The following ARPP21 variants were observed in gnomAD, a reference collection of about 807,000 sequenced individuals.
The protein encoded by ARPP21 is cAMP-regulated phosphoprotein 21.
A neutral mutation model predicts 113.2 loss-of-function variants in ARPP21; 69 were observed. The observed-to-expected ratio is 0.61, with a 90% CI of 0.50 to 0.74. The LOEUF (loss-of-function observed/expected upper bound fraction) is 0.74. Ranked by LOEUF, ARPP21 falls within the 30% of genes least tolerant of loss-of-function variation. The pLI is 0.00. For missense variants in ARPP21, 1,070 were observed against 1,037.4 expected, an observed-to-expected ratio of 1.03 and a Z score of -0.43; for synonymous variants, 368 against 375.5, an observed-to-expected ratio of 0.98 and a Z score of 0.23.
intron 5 of ARPP21, chr3:35,684,801 T>G (rs1222059639): frequency 4.1e-6 from 4 of 981,104 alleles, no homozygotes; most frequent in Admixed American, 6.2e-5. Flanking sequence ...TAAGAGAGTG[T>G]TTTTTTTTCT....
chr3:35,703,504 A>T (rs1047335441), intron 9 of ARPP21, among the ~76,000 whole-genome samples: 3 of 151,976 alleles, frequency 2.0e-5, no homozygotes, highest in Non-Finnish European at 4.4e-5. Context: ...TGTGCTACAA[A>T]TTGTGGAAAA....
intron 19 of ARPP21, among the ~76,000 whole-genome samples, chr3:35,788,087 G>C (rs1472754572): frequency 2.0e-5 from 3 of 152,170 alleles, no homozygotes; most frequent in Non-Finnish European, 4.4e-5. Context: ...CCTCAAAGAA[G>C]ATAAAGTACA....
At chr3:35,774,333 G>T (rs1365028030) in intron 19 of ARPP21, among the ~76,000 whole-genome samples, 1 of 152,142 alleles carries the variant, frequency 6.6e-6, no homozygotes, top group Non-Finnish European at 1.5e-5. Context: ...ACTTTGGGAT[G>T]TCATATCAGG....
chr3:35,731,221 T>C (rs2093934824), intron 15 of ARPP21, among the ~76,000 whole-genome samples: 1 of 152,198 alleles, frequency 6.6e-6, no homozygotes, highest in Admixed American at 6.5e-5. Flanking sequence ...ATATTATTTG[T>C]AATGACAGCA....
intron 19 of ARPP21, among the ~76,000 whole-genome samples, chr3:35,775,181 C>G (rs1306056517): frequency 1.3e-5 from 2 of 152,144 alleles, no homozygotes; most frequent in African/African-American, 4.8e-5. Context: ...TTTCTGTAGG[C>G]ACTGTTTTGA....
intron 11 of ARPP21, among the ~76,000 whole-genome samples, chr3:35,710,553 ACACAC>A (rs2090798845): frequency 1.4e-5 from 2 of 142,688 alleles, no homozygotes; most frequent in African/African-American, 5.9e-5. Flanking sequence ...ACACACACAC[ACACAC>A]ACACACACAC....
chr3:35,753,855 C>T (rs911315355), intron 19 of ARPP21, among the ~76,000 whole-genome samples: 2 of 151,536 alleles, frequency 1.3e-5, no homozygotes, highest in Non-Finnish European at 2.9e-5. Context: ...CAAAATGTAC[C>T]TTAATGGAAT....
intron 16 of ARPP21, among the ~76,000 whole-genome samples, 186 bp from the exon 17 acceptor site, chr3:35,738,028 G>A (rs1214336965): frequency 6.6e-6 from 1 of 152,182 alleles, no homozygotes; most frequent in East Asian, 1.9e-4. Flanking sequence ...ATCACTAAGT[G>A]CAAATGAGCC....
intron 1 of ARPP21, among the ~76,000 whole-genome samples, chr3:35,670,762 A>G (rs2076143864): frequency 6.6e-6 from 1 of 152,058 alleles, no homozygotes; most frequent in Non-Finnish European, 1.5e-5. Flanking sequence ...TGCTCCATCA[A>G]TGTGTTGTGA....
intron 14 of ARPP21, among the ~76,000 whole-genome samples, chr3:35,723,922 G>T (rs948997178): frequency 6.6e-6 from 1 of 152,184 alleles, no homozygotes; most frequent in Non-Finnish European, 1.5e-5. Flanking sequence ...AGTTTCCCAA[G>T]ATGGATTTAT....
rs1697552073 is a variant in ARPP21, at chr3:35,640,011, G to A, written c.-600G>A. 6.6e-6 allele frequency: 1 copy of A among 152,284 alleles called. No homozygotes were observed. 9.4% of individuals were successfully genotyped at this position (152,284 alleles called of 1,614,324 possible). ...GACAGAAGAGCAGACAGGAGGCGGG[G>A]GCGCGTTCACTCCCGGCGGCCAGCC... On this transcript the variant is annotated 5_prime_UTR_variant, in exon 1 of 21. Coordinates refer to ENST00000684406, the MANE Select transcript of ARPP21 (RefSeq NM_001385562.1).
At position 35,676,065 on chromosome 3, in the gene ARPP21, GA is replaced by G. The variant is rs2077414312; in HGVS notation, c.-212-3721del. ...GGAAGAAAAAAAGATTTTGAAATGT[GA>G]GATTGTGTTAGTTCCTCTGAATAAC... On this transcript the variant is annotated intron_variant, in intron 1 of 20. Coordinates refer to ENST00000684406, the MANE Select transcript of ARPP21 (RefSeq NM_001385562.1). Among the ~76,000 whole-genome samples the G allele has an allele frequency of 2.0e-5, 3 of 151,872 alleles. No individual in the cohort carries two copies. In the South Asian group the frequency reaches 6.2e-4, roughly 31 times the overall value.
chr3:35,721,428 T>C (rs886599573), intron 13 of ARPP21, among the ~76,000 whole-genome samples, 177 bp from the exon 14 acceptor site: 1 of 152,242 alleles, frequency 6.6e-6, no homozygotes, highest in Non-Finnish European at 1.5e-5. Flanking sequence ...ATGTGTCATC[T>C]GTCTATACAT....
chr3:35,663,943 C>T (rs1708986170), intron 1 of ARPP21, among the ~76,000 whole-genome samples: 1 of 152,186 alleles, frequency 6.6e-6, no homozygotes, highest in African/African-American at 2.4e-5. Context: ...TGTAATTATG[C>T]TGTGTAACCG....
chr3:35,700,165 T>G (rs1032961383), intron 9 of ARPP21, among the ~76,000 whole-genome samples: 1 of 151,826 alleles, frequency 6.6e-6, no homozygotes, highest in African/African-American at 2.4e-5. Flanking sequence ...AAGTTAAGTA[T>G]TTTATTTTCT....
chr3:35,688,141 G>A (rs2081157653), intron 6 of ARPP21, among the ~76,000 whole-genome samples: 1 of 151,490 alleles, frequency 6.6e-6, no homozygotes, highest in South Asian at 2.1e-4. Context: ...TGTTTTCAGT[G>A]ACAAGCTTGT....
At chr3:35,643,795 T>G (rs928457122) in intron 1 of ARPP21, 2 of 152,054 alleles carry the variant, frequency 1.3e-5, no homozygotes, top group Admixed American at 6.6e-5. Context: ...AAAGGTGATG[T>G]CGACAATGAA....
At chr3:35,661,785 T>G (rs1707941865) in intron 1 of ARPP21, among the ~76,000 whole-genome samples, 1 of 152,214 alleles carries the variant, frequency 6.6e-6, no homozygotes, top group Non-Finnish European at 1.5e-5. Context: ...GGCAAGTTCC[T>G]TGACCTTACT....
chr3:35,672,242 A>G (rs1257210665), intron 1 of ARPP21, among the ~76,000 whole-genome samples: 1 of 151,734 alleles, frequency 6.6e-6, no homozygotes, highest in Non-Finnish European at 1.5e-5. Context: ...CCGGTATCCT[A>G]TCCAGAAGGC....
Sources: gnomAD v4.1 joint callset for allele counts (sites outside exome capture counted in the v4.1 genomes callset) on GRCh38, gnomAD v4.1.1 for gene constraint, MANE v1.5 for transcripts, NCBI Gene and HGNC (gene_info 2026-07-23, HGNC 2026-07-21) for gene names.